The following KCNN2 variants were observed in gnomAD, a reference collection of about 807,000 sequenced individuals.
KCNN2 encodes small conductance calcium-activated potassium channel protein 2.
Under a neutral mutation model 55.5 loss-of-function variants are expected in KCNN2, and 24 were observed. The observed-to-expected ratio is 0.43, with a 90% CI of 0.31 to 0.61. The LOEUF (loss-of-function observed/expected upper bound fraction) is 0.61. KCNN2 is among the 20% of genes least tolerant of loss of function. KCNN2 has a pLI of 0.08. For synonymous variants in KCNN2, 431 were observed against 336.1 expected (o/e 1.28, Z -3.09); for missense variants, 754 against 853.6 (o/e 0.88, Z 1.45).
intron 2 of KCNN2, among the ~76,000 whole-genome samples, chr5:114,302,799 AT>A (rs1756194228): frequency 1.3e-5 from 2 of 152,300 alleles, no homozygotes; most frequent in South Asian, 4.1e-4. Context: ...AAGTGCCTCA[AT>A]CATATAGCTG....
chr5:114,144,503 A>AT (rs1234718347), intron 1 of KCNN2, among the ~76,000 whole-genome samples: 2 of 152,090 alleles, frequency 1.3e-5, no homozygotes, highest in African/African-American at 4.8e-5. Context: ...CCTTTTAAGA[A>AT]TTTTTTGTAG....
At chr5:114,486,835 G>T (rs1299512525) in intron 5 of KCNN2, 1 of 1,219,686 alleles carries the variant, frequency 8.2e-7, no homozygotes, top group African/African-American at 1.5e-5. Context: ...AAAGAAAGTG[G>T]TAGTATCTCC....
intron 3 of KCNN2, among the ~76,000 whole-genome samples, chr5:114,457,905 G>C (rs966314539): frequency 1.3e-5 from 2 of 152,172 alleles, no homozygotes; most frequent in Non-Finnish European, 2.9e-5. Context: ...CCAATGTCTT[G>C]ATAACCATTG....
At chr5:114,469,974 T>TAG (rs1444077207) in intron 4 of KCNN2, among the ~76,000 whole-genome samples, 1 of 151,832 alleles carries the variant, frequency 6.6e-6, no homozygotes, top group African/African-American at 2.4e-5. Flanking sequence ...CTTAAAGGAG[T>TAG]AGTGTTAGGA....
At chr5:114,462,969 C>T (rs1247733040) in intron 3 of KCNN2, 80 bp from the exon 4 acceptor site, 26 of 1,313,374 alleles carry the variant, frequency 2.0e-5, no homozygotes, top group South Asian at 9.9e-5. Context: ...ACAGTAAATT[C>T]GTTGAATTGA....
At chr5:114,145,376 G>A (rs1752377196) in intron 1 of KCNN2, among the ~76,000 whole-genome samples, 1 of 152,170 alleles carries the variant, frequency 6.6e-6, no homozygotes, top group Non-Finnish European at 1.5e-5. Flanking sequence ...AAGACACGTT[G>A]AGAGGACACA....
intron 1 of KCNN2, among the ~76,000 whole-genome samples, chr5:114,122,496 G>A (rs1440801191): frequency 6.6e-6 from 1 of 152,154 alleles, no homozygotes; most frequent in Non-Finnish European, 1.5e-5. Flanking sequence ...ACGAGCCCAT[G>A]AATTCCTATT....
At chr5:114,271,705 A>G (rs1369870832) in intron 2 of KCNN2, among the ~76,000 whole-genome samples, 1 of 152,148 alleles carries the variant, frequency 6.6e-6, no homozygotes, top group Non-Finnish European at 1.5e-5. Context: ...CTCTGTATGG[A>G]CTACTTTTGT....
At chr5:114,228,872 C>T (rs1238701367) in intron 2 of KCNN2, among the ~76,000 whole-genome samples, 3 of 151,878 alleles carry the variant, frequency 2.0e-5, no homozygotes, top group East Asian at 1.9e-4. Flanking sequence ...TCTTTAAAAG[C>T]GTTTTGCTTT....
chr5:114,082,428 A>G (rs1258889979), intron 1 of KCNN2, among the ~76,000 whole-genome samples: 2 of 152,236 alleles, frequency 1.3e-5, no homozygotes, highest in African/African-American at 2.4e-5. Context: ...GATGGCTACA[A>G]TAAAACAAAA....
intron 2 of KCNN2, among the ~76,000 whole-genome samples, chr5:114,274,196 T>G (rs1312254027): frequency 6.6e-6 from 1 of 152,214 alleles, no homozygotes; most frequent in Non-Finnish European, 1.5e-5. Flanking sequence ...TCCATTGGTC[T>G]ATATATCTGT....
intron 1 of KCNN2, among the ~76,000 whole-genome samples, chr5:114,105,668 A>G (rs1169777234): frequency 6.6e-6 from 1 of 152,040 alleles, no homozygotes; most frequent in African/African-American, 2.4e-5. Flanking sequence ...TACCAGGGTA[A>G]TTTGTTGCTA....
At chr5:114,401,943 A>G (rs1263040638) in intron 2 of KCNN2, among the ~76,000 whole-genome samples, 1 of 152,218 alleles carries the variant, frequency 6.6e-6, no homozygotes, top group Non-Finnish European at 1.5e-5. Context: ...TTAATCTTGA[A>G]TTAAATTTTA....
At position 114,362,869 on chromosome 5, in the gene KCNN2, C is replaced by G. The variant is rs759287957; in HGVS notation, c.730C>G (p.Gln244Glu). Residue 244 changes from glutamine to glutamate, a missense_variant, in exon 1 of 8, where the codon CAG (glutamine) becomes GAG (glutamate). Gln to Glu is a conservative substitution (Grantham distance 29). Coordinates refer to ENST00000673685, the MANE Select transcript of KCNN2 (RefSeq NM_021614.4). The part of the protein sequence containing the change: ...RNLHEMDSEA[Q>E]PLQPPASVGG... ...CCTGCACGAGATGGACTCAGAGGCG[C>G]AGCCCCTGCAGCCCCCCGCGTCTGT... 1.1e-5 allele frequency: 17 copies of G among 1,598,700 alleles called. No individual in the cohort carries two copies. The African/African-American group carries it at 2.3e-4, about 21-fold the overall frequency.
intron 3 of KCNN2, among the ~76,000 whole-genome samples, chr5:114,412,109 A>T (rs2150075211): frequency 6.6e-6 from 1 of 152,324 alleles, no homozygotes; most frequent in African/African-American, 2.4e-5. Flanking sequence ...GTCTCTTAGC[A>T]CTAATTTATA....
rs937638650 is a variant in KCNN2, at chr5:114,177,510, TA to T, written c.-270-43969del. Among the ~76,000 whole-genome samples, 7 of 151,294 alleles carry T rather than the reference TA, an allele frequency of 4.6e-5. No individual in the cohort carries two copies. In the East Asian group the frequency reaches 1.0e-3, roughly 22 times the overall value. On this transcript the variant is annotated intron_variant, in intron 1 of 10. Coordinates refer to the KCNN2 transcript ENST00000512097. ...TATTCTATATATCCATATATATATA[TA>T]TTTTTTCCATTAGCCTTGGGGGACT...
intron 2 of KCNN2, among the ~76,000 whole-genome samples, chr5:114,369,926 C>G (rs1258015157): frequency 1.3e-5 from 2 of 151,988 alleles, no homozygotes; most frequent in African/African-American, 4.8e-5. Context: ...TCCCAAACCA[C>G]GTTTGGCAGG....
At chr5:114,188,589 A>G (rs1345465753) in intron 1 of KCNN2, among the ~76,000 whole-genome samples, 1 of 152,210 alleles carries the variant, frequency 6.6e-6, no homozygotes, top group Non-Finnish European at 1.5e-5. Flanking sequence ...ATACAAATAA[A>G]TTGTTAAGAC....
intron 2 of KCNN2, among the ~76,000 whole-genome samples, chr5:114,290,648 G>A (rs926494976): frequency 1.3e-5 from 2 of 151,542 alleles, no homozygotes; most frequent in African/African-American, 4.9e-5. Flanking sequence ...TCATTTTCTA[G>A]TTCCTTAAGG....
Sources: allele counts gnomAD v4.1 joint callset (sites outside exome capture counted in the v4.1 genomes callset), GRCh38; gene constraint gnomAD v4.1.1; transcripts MANE v1.5; gene names NCBI Gene and HGNC (gene_info 2026-07-23, HGNC 2026-07-21).